The following COG1 variants were observed in gnomAD, a reference collection of about 807,000 sequenced individuals.
COG1 encodes the protein conserved oligomeric Golgi complex subunit 1.
COG1 carries 61 observed loss-of-function variants against 102.2 expected under a neutral mutation model. The ratio of observed to expected loss-of-function variants is 0.60; its 90% CI spans 0.49 to 0.74. The LOEUF (loss-of-function observed/expected upper bound fraction) is 0.74. Among genes scored for constraint, COG1 ranks in the 30% least tolerant of loss-of-function variants. COG1 has a pLI of 0.00. For synonymous variants in COG1, 454 were observed against 493.6 expected, an observed-to-expected ratio of 0.92 and a Z score of 1.06; for missense variants, 1,164 against 1,232.1, an observed-to-expected ratio of 0.94 and a Z score of 0.83.
intron 4 of COG1, among the ~76,000 whole-genome samples, chr17:73,197,753 C>T (rs964042997): frequency 1.3e-5 from 2 of 152,124 alleles, no homozygotes; most frequent in Non-Finnish European, 2.9e-5. Flanking sequence ...AGGCAAGCAA[C>T]AGGCTTTCAG....
At chr17:73,207,756 C>T in intron 13 of COG1, 1 of 1,291,302 alleles carries the variant, frequency 7.7e-7, no homozygotes, top group South Asian at 1.2e-5. Context: ...CTGAATTGTG[C>T]TGTGTGCATG....
intron 10 of COG1, 55 bp downstream of exon 10, chr17:73,205,735 T>A: frequency 6.2e-7 from 1 of 1,607,964 alleles, no homozygotes; most frequent in Non-Finnish European, 8.5e-7. Context: ...AAGCAAATAG[T>A]CCCTTTGCTG....
rs1280197270 is a variant in COG1 at position 73,206,817 on chromosome 17, G to C, written c.2729G>C (p.Arg910Thr). The C allele has an allele frequency of 1.2e-6, 2 of 1,611,442 alleles. No individual in the cohort carries two copies. Among genetic ancestry groups the C allele is most frequent in the Non-Finnish European group, 1.7e-6 (2 of 1,177,886 alleles). The change falls in exon 12 of 14, where the codon AGG becomes ACG. Residue 910 changes from arginine to threonine, a missense_variant and splice_region_variant. Arg to Thr is a moderately conservative substitution (Grantham distance 71, BLOSUM62 -1). Transcript: ENST00000299886. ...NILPLASSQI[R>T]FGLLPLSMTS... ...CTGCCACTGGCATCCAGTCAGATCA[G>C]GTAAAGGCTGCCAAGAGGCTTCTGC...
In COG1 at chr17:73,207,024, C is replaced by T. The variant is rs562976668; in HGVS notation, c.2730-157C>T. 100 of 714,984 alleles carry T rather than the reference C, an allele frequency of 1.4e-4. 2 individuals are homozygous for T. In the East Asian group the frequency reaches 2.6e-3, roughly 18 times the overall value. 44.3% of individuals were successfully genotyped at this position (714,984 alleles called of 1,614,324 possible). A position where few individuals can be genotyped will look rare whatever the true frequency, so the allele number is the denominator to read the frequency against. ...AGGAGAATGGCGTGAACCCAGGAGG[C>T]GGAGCTTGCAGTGAGCCGAGATTGC... On this transcript the variant is annotated intron_variant, in intron 12 of 13. Transcript: ENST00000299886.
At chr17:73,199,146 A>G (rs1159072935) in intron 4 of COG1, among the ~76,000 whole-genome samples, 21 of 152,118 alleles carry the variant, frequency 1.4e-4, no homozygotes. Context: ...GGCCTCCCAG[A>G]GTTGCGCAGT....
At position 73,193,380 on chromosome 17, in the gene COG1, A is replaced by G. The variant is rs1285029408; in HGVS notation, c.311A>G (p.Gln104Arg). Reference sequence around the variant, plus strand: ...GCCGCGCCCCGGCCACCGCGGGCCCAGCAGGTCAGTCCCCGTGCCCCCACC... The same window carrying G: ...GCCGCGCCCCGGCCACCGCGGGCCCGGCAGGTCAGTCCCCGTGCCCCCACC... ...GSAAPRPPRA[Q>R]QPQQPSQEKF... Residue 104 changes from glutamine (Q) to arginine (R), a missense_variant, in exon 1 of 14, where the codon CAG becomes CGG. Coordinates refer to ENST00000299886, the MANE Select transcript of COG1 (RefSeq NM_018714.3). 1.3e-6 allele frequency: 2 copies of G among 1,481,904 alleles called. No homozygotes were observed. The highest frequency in any genetic ancestry group is 4.7e-5 in the Admixed American group (2 of 42,814). The allele number at this position is 1,481,904 out of a possible 1,614,324, so 91.8% of individuals were successfully genotyped here.
In COG1 at chr17:73,201,262, A is replaced by G. The variant is rs1221477164; in HGVS notation, c.1435A>G (p.Ser479Gly). 6.2e-7 allele frequency: 1 copy of G among 1,614,220 alleles called. No homozygotes were observed. The highest frequency in any genetic ancestry group is 8.5e-7 in the Non-Finnish European group (1 of 1,180,040). ...YNMSLFLWSE[S>G]PNDLPSDAAW... ...CATGTCGCTCTTCCTCTGGTCTGAG[A>G]GTCCTAATGACCTGCCTTCCGATGC... Residue 479 changes from serine (S) to glycine (G), a missense_variant, in exon 7 of 14, where the codon AGT (serine) becomes GGT (glycine). Coordinates refer to ENST00000299886, the MANE Select transcript of COG1 (RefSeq NM_018714.3).
At chr17:73,203,890 A>G in intron 9 of COG1, 97 bp downstream of exon 9, 2 of 1,377,402 alleles carry the variant, frequency 1.5e-6, no homozygotes, top group East Asian at 2.3e-5. Flanking sequence ...AAAGACTCAA[A>G]CTGTTAAGGA....
rs970113883 is a variant in COG1, at chr17:73,199,952, C to T, written c.1001C>T (p.Thr334Ile). ...LPASIVEFQP[T>I]LRTLAHPISQ... is the part of the protein sequence containing the mutation. The stretch of plus-strand genomic sequence containing the variant: ...GCATCCATCGTCGAGTTCCAGCCAA[C>T]ACTCCGAACCCTTGCACATCCCATC... The change falls in exon 5 of 14, where the codon ACA becomes ATA. Residue 334 changes from threonine (T) to isoleucine (I), a missense_variant. Physicochemically the swap from Thr to Ile is moderately conservative, Grantham distance 89. Coordinates refer to ENST00000299886, the MANE Select transcript of COG1 (RefSeq NM_018714.3). 2 of 1,614,196 alleles carry T rather than the reference C, an allele frequency of 1.2e-6. No individual in the cohort carries two copies. The highest frequency in any genetic ancestry group is 1.3e-5 in the African/African-American group (1 of 75,056).
chr17:73,206,677 T>A, intron 11 of COG1, 31 bp from the exon 12 acceptor site: 10 of 1,239,824 alleles, frequency 8.1e-6, no homozygotes, highest in Non-Finnish European at 1.1e-5. Flanking sequence ...ACCTGCACAA[T>A]GAAACCTCTG....
intron 10 of COG1, 33 bp downstream of exon 10, chr17:73,205,713 G>C: frequency 6.2e-7 from 1 of 1,612,426 alleles, no homozygotes. Flanking sequence ...ATGTCAAGGC[G>C]GTCTCTTCCA....
chr17:73,200,808 T>C, intron 6 of COG1, 32 bp downstream of exon 6: 1 of 1,567,846 alleles, frequency 6.4e-7, no homozygotes, highest in South Asian at 1.1e-5. Flanking sequence ...TCTACCTGTT[T>C]TATGGCCAAT....
chr17:73,194,152 A>ATTTTTTTTTTTTTTTTTTTTTTT (rs1257232460), intron 1 of COG1, among the ~76,000 whole-genome samples: 28 of 147,462 alleles, frequency 1.9e-4, no homozygotes, highest in South Asian at 7.2e-4. Flanking sequence ...TTCCTAAAGA[A>ATTTTTTTTTTTTTTTTTTTTTTT]TTTTTATTGG....
At position 73,203,710 on chromosome 17, in the gene COG1, G is replaced by A. The variant is rs546016421; in HGVS notation, c.2299G>A (p.Val767Met). 39 of 1,614,228 alleles carry A rather than the reference G, an allele frequency of 2.4e-5. No homozygotes were observed. The South Asian group carries it at 4.2e-4, about 17-fold the overall frequency. Residue 767 changes from valine (V) to methionine (M), a missense_variant, in exon 9 of 14, where the codon GTG becomes ATG. Physicochemically the swap from Val to Met is conservative, Grantham distance 21. Coordinates refer to ENST00000299886, the MANE Select transcript of COG1 (RefSeq NM_018714.3). ...GGTTGGAGGCCATGCCTTGCCAAAG[G>A]TGACATTACAGGAGATGCTGAAAAG... is the stretch of plus-strand genomic sequence containing the variant. Reference protein sequence around the residue: ...NRVGGHALPKVTLQEMLKSCM... With the variant: ...NRVGGHALPKMTLQEMLKSCM...
chr17:73,205,984 A>T, intron 10 of COG1, 170 bp from the exon 11 acceptor site: 1 of 694,384 alleles, frequency 1.4e-6, no homozygotes. Context: ...GACTTCACTT[A>T]GACATCATGC....
intron 1 of COG1, 77 bp from the exon 2 acceptor site, chr17:73,196,430 A>T: frequency 6.2e-7 from 1 of 1,609,756 alleles, no homozygotes; most frequent in Non-Finnish European, 8.5e-7. Flanking sequence ...ATACCCCCAG[A>T]TTTCTTCCTA....
intron 8 of COG1, 176 bp from the exon 9 acceptor site, chr17:73,203,456 G>C: frequency 1.2e-6 from 1 of 802,172 alleles, no homozygotes. Context: ...GGCAGTAACA[G>C]CAAATTGCAC....
intron 4 of COG1, among the ~76,000 whole-genome samples, chr17:73,198,655 G>A (rs2061334706): frequency 1.3e-5 from 2 of 151,590 alleles, no homozygotes; most frequent in African/African-American, 4.9e-5. Context: ...TGTGAAGCGG[G>A]CAGGTGCCTG....
At position 73,208,466 on chromosome 17, in the gene COG1, T is replaced by C; in HGVS notation, c.*15T>C. On this transcript the variant is annotated 3_prime_UTR_variant, in exon 14 of 14. Transcript: ENST00000299886. Reference sequence around the variant, plus strand: ...TGACTAAGTAACATGGCAACACATCTGTCTCTCCCTAAATAAATACTACCA... The same window carrying C: ...TGACTAAGTAACATGGCAACACATCCGTCTCTCCCTAAATAAATACTACCA... 1.2e-6 allele frequency: 2 copies of C among 1,613,422 alleles called. No homozygotes were observed. Among genetic ancestry groups the C allele is most frequent in the Non-Finnish European group, 1.7e-6 (2 of 1,179,538 alleles).
Sources: allele counts gnomAD v4.1 joint callset (sites outside exome capture counted in the v4.1 genomes callset), GRCh38; gene constraint gnomAD v4.1.1; transcripts MANE v1.5; gene names NCBI Gene and HGNC (gene_info 2026-07-23, HGNC 2026-07-21).